Variants in CSGALNACT1 observed in about 807,000 individuals in gnomAD.
CSGALNACT1 encodes the protein chondroitin sulfate N-acetylgalactosaminyltransferase 1, also known as beta4GalNAcT-1.
A neutral mutation model predicts 51.0 loss-of-function variants in CSGALNACT1; 52 were observed. That is an observed-to-expected ratio of 1.02 (90% CI 0.82 to 1.29). The LOEUF (loss-of-function observed/expected upper bound fraction) is 1.29, where lower values mean the gene tolerates loss of function less well. Among genes scored for constraint, CSGALNACT1 ranks in the 50% most tolerant of loss-of-function variants. CSGALNACT1 has a pLI of 0.00. For synonymous variants in CSGALNACT1, 341 were observed against 254.4 expected (o/e 1.34, Z -3.24); for missense variants, 935 against 679.2 (o/e 1.38, Z -4.19).
chr8:19,633,822 A>C (rs2055627824), intron 1 of CSGALNACT1, among the ~76,000 whole-genome samples: 2 of 152,254 alleles, frequency 1.3e-5, no homozygotes, highest in Non-Finnish European at 2.9e-5. Context: ...TCTTGAGTCA[A>C]ACAGGGGTTC....
intron 1 of CSGALNACT1, among the ~76,000 whole-genome samples, chr8:19,666,746 AAACAAGAAAGAAAG>A (rs1186805754): frequency 2.1e-5 from 3 of 140,594 alleles, no homozygotes; most frequent in Non-Finnish European, 4.6e-5. Flanking sequence ...GAAACACAAG[AAACAAGAAAGAAAG>A]AAGAAAGAAA....
At chr8:19,448,311 G>A (rs1368222699) in intron 5 of CSGALNACT1, among the ~76,000 whole-genome samples, 1 of 152,158 alleles carries the variant, frequency 6.6e-6, no homozygotes, top group Non-Finnish European at 1.5e-5. Flanking sequence ...TATCCTCATT[G>A]TAGGAAGAGT....
At chr8:19,588,156 T>C in intron 3 of CSGALNACT1, 1 of 151,836 alleles carries the variant, frequency 6.6e-6, no homozygotes, top group Admixed American at 6.6e-5. Context: ...AATCACACCA[T>C]TACACTCTAG....
chr8:19,474,686 T>C (rs967120040), intron 4 of CSGALNACT1, among the ~76,000 whole-genome samples: 2 of 151,764 alleles, frequency 1.3e-5, no homozygotes, highest in Non-Finnish European at 2.9e-5. Context: ...CTAACCAACA[T>C]GGCAAAACCC....
At chr8:19,454,166 C>T (rs1367718206) in intron 5 of CSGALNACT1, among the ~76,000 whole-genome samples, 2 of 152,180 alleles carry the variant, frequency 1.3e-5, no homozygotes, top group African/African-American at 2.4e-5. Flanking sequence ...TGACTGTCCA[C>T]GATGACAACA....
chr8:19,629,416 A>G (rs2054905310), intron 1 of CSGALNACT1, among the ~76,000 whole-genome samples: 1 of 152,314 alleles, frequency 6.6e-6, no homozygotes, highest in African/African-American at 2.4e-5. Flanking sequence ...GAATCCTCGT[A>G]GGTAACTATG....
intron 1 of CSGALNACT1, among the ~76,000 whole-genome samples, chr8:19,670,315 T>C (rs749528481): frequency 6.6e-6 from 1 of 152,178 alleles, no homozygotes; most frequent in East Asian, 1.9e-4. Context: ...ATCTGTTACA[T>C]AAAATCCTCC....
exon 10 of CSGALNACT1, chr8:19,405,743 A>C (rs1420248207): frequency 6.2e-7 from 1 of 1,613,560 alleles, no homozygotes; most frequent in East Asian, 2.2e-5. Flanking sequence ...TTGCAAAAGG[A>C]AAGAAAAAGT....
At chr8:19,644,368 G>GA (rs944337431) in intron 1 of CSGALNACT1, among the ~76,000 whole-genome samples, 3 of 127,650 alleles carry the variant, frequency 2.4e-5, no homozygotes, top group African/African-American at 8.8e-5. Flanking sequence ...TTCTTAATCA[G>GA]AAAAAAATAC....
At chr8:19,532,228 A>G (rs538993963) in intron 3 of CSGALNACT1, among the ~76,000 whole-genome samples, 1 of 152,074 alleles carries the variant, frequency 6.6e-6, no homozygotes, top group South Asian at 2.1e-4. Context: ...CCTTAAAACA[A>G]TCTCATTTTG....
At chr8:19,666,878 A>AG (rs1564384184) in intron 1 of CSGALNACT1, among the ~76,000 whole-genome samples, 1 of 121,282 alleles carries the variant, frequency 8.2e-6, no homozygotes, top group Non-Finnish European at 1.8e-5. Context: ...AGAAAGAAAG[A>AG]AAGAAAGAGA....
intron 3 of CSGALNACT1, among the ~76,000 whole-genome samples, chr8:19,513,436 C>CTCTATA: frequency 1.7e-3 from 136 of 81,956 alleles, no homozygotes; most frequent in Admixed American, 2.4e-3. Context: ...CTCTCTCTCT[C>CTCTATA]TATATATATA....
intron 2 of CSGALNACT1, among the ~76,000 whole-genome samples, chr8:19,599,775 T>C (rs533602993): frequency 6.6e-6 from 1 of 152,326 alleles, no homozygotes; most frequent in South Asian, 2.1e-4. Flanking sequence ...CTTACTTTTA[T>C]AGACTCAGGG....
chr8:19,565,164 C>A (rs995478024), intron 3 of CSGALNACT1, among the ~76,000 whole-genome samples: 4 of 152,212 alleles, frequency 2.6e-5, no homozygotes, highest in African/African-American at 9.6e-5. Context: ...TACAGACTTT[C>A]GAAGTGTTTC....
intron 3 of CSGALNACT1, among the ~76,000 whole-genome samples, chr8:19,508,852 C>T (rs967464869): frequency 2.6e-5 from 4 of 152,058 alleles, no homozygotes; most frequent in Admixed American, 6.6e-5. Flanking sequence ...AAAACTAAAT[C>T]GGTGATTTGA....
intron 3 of CSGALNACT1, among the ~76,000 whole-genome samples, chr8:19,532,453 T>C (rs1173242110): frequency 6.6e-6 from 1 of 152,192 alleles, no homozygotes; most frequent in Non-Finnish European, 1.5e-5. Context: ...TTCTATTCCC[T>C]TAAACATCTC....
At chr8:19,404,485 G>T (rs1051555335) in exon 10 of CSGALNACT1, 4 of 453,658 alleles carry the variant, frequency 8.8e-6, no homozygotes, top group Non-Finnish European at 1.8e-5. Flanking sequence ...AAGCATCTTG[G>T]TGATCGAGTA....
At chr8:19,624,320 T>C (rs2154164870) in intron 1 of CSGALNACT1, among the ~76,000 whole-genome samples, 1 of 152,338 alleles carries the variant, frequency 6.6e-6, no homozygotes. Context: ...ATTTAAAAAA[T>C]TTTGTATTCT....
intron 1 of CSGALNACT1, among the ~76,000 whole-genome samples, chr8:19,639,986 G>T (rs370425938): frequency 4.4e-4 from 67 of 151,418 alleles, no homozygotes; most frequent in African/African-American, 1.5e-3. Context: ...GGGCTCAGGT[G>T]ATTCTCCCAC....
Sources: gnomAD v4.1 joint callset for allele counts (sites outside exome capture counted in the v4.1 genomes callset) on GRCh38, gnomAD v4.1.1 for gene constraint, MANE v1.5 for transcripts, NCBI Gene and HGNC (gene_info 2026-07-23, HGNC 2026-07-21) for gene names.